The following WDFY3 variants were observed in gnomAD, a reference collection of about 807,000 sequenced individuals.
WDFY3 encodes the protein WD repeat and FYVE domain-containing protein 3.
In WDFY3, 66 loss-of-function variants were observed where a neutral mutation model predicts 409.6. The ratio of observed to expected loss-of-function variants is 0.16; its 90% CI spans 0.13 to 0.20. The LOEUF (loss-of-function observed/expected upper bound fraction) is 0.20. Ranked by LOEUF, WDFY3 falls within the 10% of genes least tolerant of loss-of-function variation. The pLI, the probability that WDFY3 is intolerant of heterozygous loss-of-function variation, is 1.00. For synonymous variants in WDFY3, 1,521 were observed against 1,537.1 expected (o/e 0.99, Z 0.25); for missense variants, 3,031 against 4,298.1 (o/e 0.71, Z 8.24).
intron 27 of WDFY3, among the ~76,000 whole-genome samples, chr4:84,776,944 T>A (rs1046587928): frequency 6.6e-6 from 1 of 152,028 alleles, no homozygotes; most frequent in East Asian, 1.9e-4. Context: ...TATCCTAGTA[T>A]GAATAGGAGA....
intron 56 of WDFY3, among the ~76,000 whole-genome samples, chr4:84,699,269 C>G (rs1730681430): frequency 6.6e-6 from 1 of 152,180 alleles, no homozygotes; most frequent in Non-Finnish European, 1.5e-5. Context: ...TCTCTGTGGA[C>G]TTACCTATTC....
intron 1 of WDFY3, among the ~76,000 whole-genome samples, chr4:84,954,940 C>T (rs575531454): frequency 6.6e-6 from 1 of 152,144 alleles, no homozygotes; most frequent in South Asian, 2.1e-4. Flanking sequence ...CACAGTGGCT[C>T]GCTCCTGTAA....
At chr4:84,884,997 T>TTTG (rs377112521) in intron 3 of WDFY3, among the ~76,000 whole-genome samples, 9 of 152,038 alleles carry the variant, frequency 5.9e-5, no homozygotes, top group African/African-American at 1.7e-4. Context: ...ATACATATTC[T>TTTG]TTGTTGTTGT....
intron 12 of WDFY3, among the ~76,000 whole-genome samples, chr4:84,818,605 C>T (rs1753649275): frequency 1.3e-5 from 2 of 152,082 alleles, no homozygotes; most frequent in Admixed American, 6.6e-5. Flanking sequence ...AAGCCATGTG[C>T]TTGAGATTCA....
At chr4:84,715,460 T>A in intron 49 of WDFY3, 77 bp from the exon 50 acceptor site, 3 of 895,030 alleles carry the variant, frequency 3.4e-6, no homozygotes, top group Middle Eastern at 4.8e-4. Context: ...TTTTCCACTA[T>A]AAATTTCTAC....
At chr4:84,696,501 T>C (rs757967419) in intron 57 of WDFY3, among the ~76,000 whole-genome samples, 11 of 152,132 alleles carry the variant, frequency 7.2e-5, no homozygotes, top group Non-Finnish European at 1.5e-4. Flanking sequence ...TTAACCTTTA[T>C]CAGAGCTATA....
chr4:84,736,452 C>T, intron 41 of WDFY3, 125 bp from the exon 42 acceptor site: 2 of 838,968 alleles, frequency 2.4e-6, no homozygotes, highest in Non-Finnish European at 1.7e-6. Context: ...ATTACAGATG[C>T]AGATATTACA....
chr4:84,734,774 A>T (rs368691614), intron 43 of WDFY3, among the ~76,000 whole-genome samples: 10 of 152,228 alleles, frequency 6.6e-5, no homozygotes, highest in African/African-American at 2.4e-4. Context: ...GACATGTAAC[A>T]TATCAGTAGT....
rs756091307 is a variant in WDFY3, at chr4:84,772,876, A to C, written c.4808T>G (p.Phe1603Cys). The C allele has an allele frequency of 1.2e-6, 2 of 1,611,304 alleles. No individual in the cohort carries two copies. Among genetic ancestry groups the C allele is most frequent in the Admixed American group, 3.4e-5 (2 of 59,536 alleles). ...TLPTFAVCEK[F>C]VVMEINNEEK... ...TTCATTATTTATTTCCATTACTACA[A>C]ATTTCTCACAAACCGCAAAGGTTGG... Residue 1603 changes from phenylalanine (F) to cysteine (C), a missense_variant, in exon 30 of 68, where the codon TTT becomes TGT. By Grantham distance (205) the Phe-to-Cys change is radical. Transcript: ENST00000295888.
chr4:84,961,661 A>AT (rs201548828), intron 1 of WDFY3, among the ~76,000 whole-genome samples: 28 of 152,140 alleles, frequency 1.8e-4, no homozygotes, highest in African/African-American at 5.8e-4. Context: ...AAAGAAAATT[A>AT]TTTTTTTATA....
At chr4:84,788,233 G>C (rs1252373506) in intron 22 of WDFY3, among the ~76,000 whole-genome samples, 1 of 152,084 alleles carries the variant, frequency 6.6e-6, no homozygotes, top group Non-Finnish European at 1.5e-5. Flanking sequence ...AGCTTAATGG[G>C]ATGAAGGACA....
At chr4:84,943,965 A>AG (rs1438826698) in intron 1 of WDFY3, among the ~76,000 whole-genome samples, 1 of 152,202 alleles carries the variant, frequency 6.6e-6, no homozygotes, top group Non-Finnish European at 1.5e-5. Context: ...ATTCCAGATT[A>AG]GGATATATGG....
intron 1 of WDFY3, among the ~76,000 whole-genome samples, chr4:84,939,586 A>C (rs1261222566): frequency 2.0e-5 from 3 of 151,968 alleles, no homozygotes; most frequent in South Asian, 2.1e-4. Flanking sequence ...CTATTCATTC[A>C]CTTATTTTTA....
At chr4:84,845,345 A>C (rs1388781191) in intron 5 of WDFY3, among the ~76,000 whole-genome samples, 1 of 152,176 alleles carries the variant, frequency 6.6e-6, no homozygotes, top group Non-Finnish European at 1.5e-5. Context: ...ATAAAATAAA[A>C]GGTTATATGA....
intron 2 of WDFY3, among the ~76,000 whole-genome samples, chr4:84,913,780 T>C (rs1489419570): frequency 6.6e-6 from 1 of 151,746 alleles, no homozygotes; most frequent in Admixed American, 6.6e-5. Flanking sequence ...AGAAAAATTA[T>C]AATGTATTTC....
rs1487734071 is a variant in WDFY3, at chr4:84,690,492, A to G, written c.9363+14T>C. ...GACTATGTCCTTCTTGGCATTTTCTATGTTCTCTCTTACCTGTTTGAGGGT... is the reference window on the plus strand; with the variant it reads ...GACTATGTCCTTCTTGGCATTTTCTGTGTTCTCTCTTACCTGTTTGAGGGT... On this transcript the variant is annotated intron_variant, in intron 61 of 67. Transcript: ENST00000295888. The G allele has an allele frequency of 6.2e-7, 1 of 1,613,970 alleles. No individual in the cohort carries two copies. The highest frequency in any genetic ancestry group is 8.5e-7 in the Non-Finnish European group (1 of 1,179,964).
intron 2 of WDFY3, among the ~76,000 whole-genome samples, chr4:84,917,943 G>A (rs1207685887): frequency 3.9e-5 from 6 of 152,058 alleles, no homozygotes; most frequent in African/African-American, 9.7e-5. Flanking sequence ...TCTGATAGAT[G>A]GGAAAGGATG....
intron 1 of WDFY3, among the ~76,000 whole-genome samples, chr4:84,948,430 A>G (rs552533315): frequency 1.3e-5 from 2 of 149,694 alleles, no homozygotes; most frequent in South Asian, 2.1e-4. Flanking sequence ...TAGTATATAG[A>G]AAAAAAAAGA....
At chr4:84,953,039 C>T (rs1773802354) in intron 1 of WDFY3, among the ~76,000 whole-genome samples, 1 of 151,664 alleles carries the variant, frequency 6.6e-6, no homozygotes, top group Non-Finnish European at 1.5e-5. Context: ...TGGTATCCCT[C>T]AACTATCAAA....
Sources: gnomAD v4.1 joint callset for allele counts (sites outside exome capture counted in the v4.1 genomes callset) on GRCh38, gnomAD v4.1.1 for gene constraint, MANE v1.5 for transcripts, NCBI Gene and HGNC (gene_info 2026-07-23, HGNC 2026-07-21) for gene names.